Variants in DRC8 observed in about 807,000 individuals in gnomAD.
DRC8 encodes dynein regulatory complex subunit 8.
the DRC8 span, chr1:245,083,775 T>G: frequency 6.7e-7 from 1 of 1,491,468 alleles, no homozygotes; most frequent in Non-Finnish European, 8.9e-7. Context: ...AGGGGATACT[T>G]TAAAATCAGT....
At chr1:245,028,663 A>G in the DRC8 span, among the ~76,000 whole-genome samples, 1 of 152,242 alleles carries the variant, frequency 6.6e-6, no homozygotes, top group African/African-American at 2.4e-5. Context: ...GAGCAGTTAC[A>G]GAATATGAAG....
chr1:245,038,604 A>C, the DRC8 span, among the ~76,000 whole-genome samples: 1 of 152,266 alleles, frequency 6.6e-6, no homozygotes, highest in Non-Finnish European at 1.5e-5. Flanking sequence ...TGCATATGGA[A>C]AGTTAATATA....
At chr1:244,972,736 G>A in the DRC8 span, among the ~76,000 whole-genome samples, 2 of 151,210 alleles carry the variant, frequency 1.3e-5, no homozygotes, top group Non-Finnish European at 2.9e-5. Context: ...AGAATTGCTT[G>A]AACCGGGGAG....
chr1:245,060,283 T>C, the DRC8 span, among the ~76,000 whole-genome samples: 1 of 152,182 alleles, frequency 6.6e-6, no homozygotes, highest in Non-Finnish European at 1.5e-5. Flanking sequence ...TGTCAGTTTC[T>C]CCATAATAAT....
chr1:244,985,812 C>T, the DRC8 span, among the ~76,000 whole-genome samples: 7 of 149,680 alleles, frequency 4.7e-5, no homozygotes, highest in African/African-American at 7.4e-5. Flanking sequence ...TGCAGTGAGC[C>T]GAGATCGTGC....
At chr1:245,069,232 T>G in the DRC8 span, among the ~76,000 whole-genome samples, 1 of 152,270 alleles carries the variant, frequency 6.6e-6, no homozygotes, top group South Asian at 2.1e-4. Context: ...CACAATCAAT[T>G]AACAAAGATT....
chr1:245,095,806 T>C, the DRC8 span, among the ~76,000 whole-genome samples: 1 of 152,140 alleles, frequency 6.6e-6, no homozygotes, highest in Non-Finnish European at 1.5e-5. Flanking sequence ...TTAGAATACA[T>C]TCCGAAAAGC....
chr1:245,068,807 A>G, the DRC8 span, among the ~76,000 whole-genome samples: 14 of 151,798 alleles, frequency 9.2e-5, no homozygotes, highest in African/African-American at 3.4e-4. Context: ...GCTTTTTTCC[A>G]CCTAATTATA....
the DRC8 span, among the ~76,000 whole-genome samples, chr1:244,984,810 G>C: frequency 0.022 from 3,337 of 150,484 alleles, 136 homozygotes; most frequent in African/African-American, 0.077. Context: ...ACTCCAGCCT[G>C]GGCGACAGAG....
the DRC8 span, among the ~76,000 whole-genome samples, chr1:245,064,996 GT>G: frequency 7.7e-6 from 1 of 129,226 alleles, no homozygotes; most frequent in Non-Finnish European, 1.7e-5. Flanking sequence ...CAATTATTTT[GT>G]TTTCTTTTTT....
At chr1:245,081,542 C>G in the DRC8 span, among the ~76,000 whole-genome samples, 3 of 151,950 alleles carry the variant, frequency 2.0e-5, no homozygotes, top group African/African-American at 7.3e-5. Context: ...GATCTCGGCT[C>G]ACTGCAACCT....
the DRC8 span, among the ~76,000 whole-genome samples, chr1:245,032,324 C>T: frequency 6.6e-6 from 1 of 152,146 alleles, no homozygotes; most frequent in East Asian, 1.9e-4. Flanking sequence ...GTCCAGGAGC[C>T]AGGCTGTAAG....
the DRC8 span, among the ~76,000 whole-genome samples, chr1:245,031,557 C>T: frequency 5.9e-3 from 896 of 152,020 alleles, 11 homozygotes; most frequent in African/African-American, 0.02. Flanking sequence ...AATGAGTTGT[C>T]GGAGGAAAGC....
the DRC8 span, among the ~76,000 whole-genome samples, chr1:245,045,083 C>T: frequency 6.6e-6 from 1 of 152,204 alleles, no homozygotes; most frequent in Non-Finnish European, 1.5e-5. Context: ...TCACAGAGCT[C>T]ACTGCAGCTT....
chr1:245,036,743 G>A, the DRC8 span, among the ~76,000 whole-genome samples: 9 of 152,324 alleles, frequency 5.9e-5, no homozygotes, highest in African/African-American at 2.2e-4. Context: ...GGACACAGAA[G>A]GCCACATGTG....
chr1:245,083,386 A>G, the DRC8 span: 205 of 1,508,762 alleles, frequency 1.4e-4, no homozygotes, highest in Admixed American at 1.0e-4. Flanking sequence ...CTGATTTATT[A>G]TGTAAAGACT....
chr1:245,041,209 G>A, the DRC8 span, among the ~76,000 whole-genome samples: 1 of 152,164 alleles, frequency 6.6e-6, no homozygotes, highest in African/African-American at 2.4e-5. Context: ...TTAGGATGCT[G>A]GAGAAAAGCA....
chr1:245,010,783 G>A, the DRC8 span, among the ~76,000 whole-genome samples: 189 of 148,982 alleles, frequency 1.3e-3, no homozygotes, highest in African/African-American at 4.4e-3. Flanking sequence ...CCGGGTTCAC[G>A]CCATTCTCCT....
the DRC8 span, chr1:245,059,243 C>T: frequency 3.2e-6 from 2 of 628,350 alleles, no homozygotes; most frequent in South Asian, 1.9e-5. Context: ...TTTCTTTCCC[C>T]AGAAAACATC....
Sources: allele counts gnomAD v4.1 joint callset (sites outside exome capture counted in the v4.1 genomes callset), GRCh38; gene constraint gnomAD v4.1.1; transcripts MANE v1.5; gene names NCBI Gene and HGNC (gene_info 2026-07-23, HGNC 2026-07-21).